The following HSPG2 variants were observed in gnomAD, a reference collection of about 807,000 sequenced individuals.
HSPG2 encodes basement membrane-specific heparan sulfate proteoglycan core protein.
In HSPG2, 278 loss-of-function variants were observed where a neutral mutation model predicts 526.6. The ratio of observed to expected loss-of-function variants is 0.53; its 90% CI spans 0.48 to 0.58. HSPG2 has a LOEUF of 0.58. Among genes scored for constraint, HSPG2 ranks in the 20% least tolerant of loss-of-function variants. The pLI, the probability that HSPG2 is intolerant of heterozygous loss-of-function variation, is 0.00. For synonymous variants in HSPG2, 2,465 were observed against 2,555.4 expected (o/e 0.96, Z 1.07); for missense variants, 5,354 against 6,099.5 (o/e 0.88, Z 4.07).
chr1:21,896,077 G>A, intron 2 of HSPG2, 98 bp downstream of exon 2: 3 of 1,601,626 alleles, frequency 1.9e-6, no homozygotes, highest in Admixed American at 1.7e-5. Context: ...GGTTGAGAAA[G>A]CTCGGAATGG....
At chr1:21,850,223 G>A (rs763847939) in intron 56 of HSPG2, 31 bp from the exon 57 acceptor site, 18 of 1,612,992 alleles carry the variant, frequency 1.1e-5, no homozygotes, top group East Asian at 6.7e-5. Context: ...GTCAATAGCC[G>A]GCTAGGAGGT....
chr1:21,834,442 C>A (rs1437175786), intron 77 of HSPG2, among the ~76,000 whole-genome samples: 1 of 152,122 alleles, frequency 6.6e-6, no homozygotes, highest in Non-Finnish European at 1.5e-5. Flanking sequence ...TTTCTTTTTT[C>A]TTCTTGATGC....
intron 64 of HSPG2, among the ~76,000 whole-genome samples, chr1:21,845,667 CCA>C (rs1461621229): frequency 6.6e-6 from 1 of 152,156 alleles, no homozygotes; most frequent in African/African-American, 2.4e-5. Flanking sequence ...GTGGGAGCTA[CCA>C]CACCGGCTCT....
rs879204626 is a variant in HSPG2 at position 21,878,384 on chromosome 1, A to T, written c.2617+49T>A. ...AGGGAGGGTGCCTGGTGTGCAGCCCAGGTTGGGTTGGGAGGTGGGTGTCAG... is the reference window on the plus strand; with the variant it reads ...AGGGAGGGTGCCTGGTGTGCAGCCCTGGTTGGGTTGGGAGGTGGGTGTCAG... On this transcript the variant is annotated intron_variant, in intron 20 of 96. Coordinates refer to ENST00000374695, the MANE Select transcript of HSPG2 (RefSeq NM_005529.7). 3.2e-6 allele frequency: 5 copies of T among 1,586,006 alleles called. No homozygotes were observed. In the South Asian group the frequency reaches 3.4e-5, roughly 11 times the overall value.
intron 53 of HSPG2, 74 bp from the exon 54 acceptor site, chr1:21,852,000 T>A: frequency 1.9e-6 from 3 of 1,610,536 alleles, no homozygotes; most frequent in Non-Finnish European, 2.5e-6. Flanking sequence ...GTCCCCCCGA[T>A]CTAGGAAGTG....
chr1:21,870,139 C>T (rs1242352573), intron 33 of HSPG2: 1 of 631,654 alleles, frequency 1.6e-6, no homozygotes, highest in Non-Finnish European at 2.0e-6. Context: ...GCTCAGGTGC[C>T]TGCCTGGACT....
At chr1:21,873,548 G>A (rs1000938567) in intron 29 of HSPG2, 124 bp from the exon 30 acceptor site, 47 of 1,004,390 alleles carry the variant, frequency 4.7e-5, no homozygotes, top group Non-Finnish European at 6.6e-5. Flanking sequence ...AGCCTGACTC[G>A]CCCATGTTAC....
At chr1:21,931,044 C>T (rs1365117248) in intron 1 of HSPG2, among the ~76,000 whole-genome samples, 1 of 152,178 alleles carries the variant, frequency 6.6e-6, no homozygotes, top group Non-Finnish European at 1.5e-5. Flanking sequence ...TCCAGGGATG[C>T]TCTGAGGTTC....
intron 2 of HSPG2, 74 bp from the exon 3 acceptor site, chr1:21,896,040 C>G (rs951163918): frequency 6.3e-7 from 1 of 1,591,012 alleles, no homozygotes; most frequent in East Asian, 2.2e-5. Context: ...AGGCACTGTT[C>G]TGGGCACCTA....
chr1:21,861,400 G>A (rs776365021), intron 39 of HSPG2, among the ~76,000 whole-genome samples: 1 of 151,940 alleles, frequency 6.6e-6, no homozygotes, highest in African/African-American at 2.4e-5. Context: ...GCTCACGCCT[G>A]TAATGCCAGC....
chr1:21,908,478 A>G, intron 1 of HSPG2: 1 of 855,388 alleles, frequency 1.2e-6, no homozygotes. Flanking sequence ...CCTGGGTTCA[A>G]CTAAAGCGCC....
At position 21,873,409 on chromosome 1, in the gene HSPG2, G is replaced by A; in HGVS notation, c.3759C>T (p.Tyr1253=). 1 of 1,614,088 alleles carries A rather than the reference G, an allele frequency of 6.2e-7. No individual in the cohort carries two copies. The part of the protein sequence containing the change: ...GRHCERCAPG[Y]YGNPSQGQPC... ...GCTGGCCCTGGCTGGGGTTGCCATA[G>A]TAGCCAGGGGCGCACCTGCAGAGAG... Residue 1253 remains tyrosine (Y), a synonymous_variant, in exon 30 of 97, where the codon TAC becomes TAT. Coordinates refer to ENST00000374695, the MANE Select transcript of HSPG2 (RefSeq NM_005529.7).
At chr1:21,935,016 C>T (rs556581924) in intron 1 of HSPG2, among the ~76,000 whole-genome samples, 6 of 152,154 alleles carry the variant, frequency 3.9e-5, no homozygotes, top group African/African-American at 1.2e-4. Context: ...AAGCGATTCT[C>T]CTGCCTCAGC....
In HSPG2 at chr1:21,848,845, C is replaced by T. The variant is rs749288153; in HGVS notation, c.7585+48G>A. On this transcript the variant is annotated intron_variant, in intron 58 of 96. Coordinates refer to ENST00000374695, the MANE Select transcript of HSPG2 (RefSeq NM_005529.7). This position sits in a 1 kb window ranked among gnomAD's most constrained non-coding sequence, Gnocchi z 4.9. ...GTGTGGGAGCTGCTGAGGGTGCAGTCGGGGTCCCCCAGCCCTCCACCATTT... is the reference window on the plus strand; with the variant it reads ...GTGTGGGAGCTGCTGAGGGTGCAGTTGGGGTCCCCCAGCCCTCCACCATTT... The T allele has an allele frequency of 4.8e-5, 77 of 1,612,962 alleles. No individual in the cohort carries two copies. Among genetic ancestry groups the T allele is most frequent in the Admixed American group, 1.7e-4 (10 of 59,986 alleles).
Position 21,833,869 on chromosome 1 carries a change from C to G in HSPG2, c.10777G>C (p.Val3593Leu), listed in dbSNP as rs1342251864. The change falls in exon 78 of 97, where the codon GTC becomes CTC. Residue 3593 changes from valine to leucine, a missense_variant. By Grantham distance (32) the Val-to-Leu change is conservative. Transcript: ENST00000374695. Reference sequence around the variant, plus strand: ...TAGCCTGAGGCTATGCAGGGGAAGACAGCTGCAGAACCAGCAGGCACACGG... The same window carrying G: ...TAGCCTGAGGCTATGCAGGGGAAGAGAGCTGCAGAACCAGCAGGCACACGG... ...EVRVPAGSAA[V>L]FPCIASGYPT... is the part of the protein sequence containing the mutation. 1.9e-6 allele frequency: 3 copies of G among 1,604,756 alleles called. No individual in the cohort carries two copies. In the Admixed American group the frequency reaches 5.1e-5, roughly 27 times the overall value.
intron 1 of HSPG2, 57 bp from the exon 2 acceptor site, chr1:21,896,367 G>A (rs1225015644): frequency 5.0e-6 from 8 of 1,599,624 alleles, no homozygotes; most frequent in Non-Finnish European, 6.0e-6. Context: ...TGAGCCCCAC[G>A]GTCCTTCCCC....
intron 95 of HSPG2, 83 bp from the exon 96 acceptor site, chr1:21,823,802 T>C (rs2097959359): frequency 9.6e-7 from 1 of 1,046,202 alleles, no homozygotes; most frequent in Non-Finnish European, 1.5e-6. Context: ...CCCTCTGATA[T>C]CGAGACTCCA....
At chr1:21,855,102 G>T in intron 47 of HSPG2, 119 bp from the exon 48 acceptor site, 1 of 1,396,612 alleles carries the variant, frequency 7.2e-7, no homozygotes, top group Non-Finnish European at 9.9e-7. Context: ...GCCCAGTGGG[G>T]CATGAAGGAG....
chr1:21,932,703 A>G (rs929749771), intron 1 of HSPG2, among the ~76,000 whole-genome samples: 1 of 152,226 alleles, frequency 6.6e-6, no homozygotes, highest in Non-Finnish European at 1.5e-5. Context: ...TACGGGGACA[A>G]ATGTCCCAGG....
Sources: allele counts gnomAD v4.1 joint callset (sites outside exome capture counted in the v4.1 genomes callset), GRCh38; gene constraint gnomAD v4.1.1; non-coding constraint Gnocchi (gnomAD v3.1); transcripts MANE v1.5; gene names NCBI Gene and HGNC (gene_info 2026-07-23, HGNC 2026-07-21).